Variants in SPEF2 observed in about 807,000 individuals in gnomAD.
SPEF2 encodes sperm flagella and cilia-associated protein 2.
SPEF2 carries 187 observed loss-of-function variants against 224.6 expected under a neutral mutation model. The observed-to-expected ratio is 0.83, with a 90% CI of 0.74 to 0.94. The LOEUF (loss-of-function observed/expected upper bound fraction) is 0.94. Ranked by LOEUF, SPEF2 falls within the 40% of genes least tolerant of loss-of-function variation. The probability of loss-of-function intolerance (pLI) is 0.00; values close to 1 mark genes in which losing one functional copy is unlikely to be tolerated. For synonymous variants in SPEF2, 715 were observed against 707.3 expected, an observed-to-expected ratio of 1.01 and a Z score of -0.17; for missense variants, 2,170 against 2,135.6, an observed-to-expected ratio of 1.02 and a Z score of -0.32.
intron 36 of SPEF2, among the ~76,000 whole-genome samples, chr5:35,808,939 G>A (rs1285491288): frequency 2.0e-5 from 3 of 151,298 alleles, no homozygotes; most frequent in Admixed American, 6.6e-5. Flanking sequence ...AGCCTATGCA[G>A]TAGTGAAATA....
chr5:35,759,809 C>A, intron 25 of SPEF2, 90 bp downstream of exon 25: 2 of 1,243,894 alleles, frequency 1.6e-6, no homozygotes, highest in South Asian at 2.4e-5. Context: ...AATCACACTC[C>A]TTTATCTGCA....
intron 16 of SPEF2, 124 bp from the exon 17 acceptor site, chr5:35,704,430 T>G: frequency 1.7e-6 from 1 of 576,660 alleles, no homozygotes; most frequent in Non-Finnish European, 3.1e-6. Context: ...TTTAAAATAT[T>G]TTTAAGTAAC....
chr5:35,665,888 T>A (rs1750404020), intron 8 of SPEF2, among the ~76,000 whole-genome samples: 1 of 152,116 alleles, frequency 6.6e-6, no homozygotes, highest in African/African-American at 2.4e-5. Context: ...CCAACAAAAA[T>A]GAAATAAGCA....
Position 35,738,276 on chromosome 5 carries a change from G to A in SPEF2, c.3064-1643G>A, listed in dbSNP as rs182979333. Among the ~76,000 whole-genome samples, 207 of 152,150 alleles carry A rather than the reference G, an allele frequency of 1.4e-3. 1 individual carries two copies. The highest frequency in any genetic ancestry group is 4.7e-3 in the African/African-American group (195 of 41,540). On this transcript the variant is annotated intron_variant, in intron 21 of 36. Coordinates refer to ENST00000356031, the MANE Select transcript of SPEF2 (RefSeq NM_024867.4). ...CCATTGCTTTTGGTGTTTTAGACATGAAGTCCTTGCCCATGCCTGTGTCCT... is the reference window on the plus strand; with the variant it reads ...CCATTGCTTTTGGTGTTTTAGACATAAAGTCCTTGCCCATGCCTGTGTCCT...
intron 7 of SPEF2, among the ~76,000 whole-genome samples, chr5:35,658,304 A>G (rs1749231797): frequency 6.6e-6 from 1 of 152,186 alleles, no homozygotes; most frequent in African/African-American, 2.4e-5. Context: ...ACAGCCAAGA[A>G]TACATCTATC....
At chr5:35,625,992 A>T (rs569586482) in intron 1 of SPEF2, among the ~76,000 whole-genome samples, 2 of 152,336 alleles carry the variant, frequency 1.3e-5, no homozygotes, top group South Asian at 4.1e-4. Context: ...TCATTTTAGT[A>T]GCATCGAAAG....
intron 19 of SPEF2, chr5:35,710,112 A>T (rs1424766181): frequency 1.9e-5 from 19 of 985,236 alleles, no homozygotes; most frequent in Admixed American, 6.1e-5. Flanking sequence ...CAGGCAAAAT[A>T]CACACATCCT....
intron 8 of SPEF2, among the ~76,000 whole-genome samples, chr5:35,665,990 T>C (rs1161466526): frequency 6.6e-6 from 1 of 152,138 alleles, no homozygotes; most frequent in Non-Finnish European, 1.5e-5. Flanking sequence ...AGTATCATAA[T>C]AGGAAATATT....
At chr5:35,732,694 T>G (rs1745835199) in intron 21 of SPEF2, among the ~76,000 whole-genome samples, 2 of 152,176 alleles carry the variant, frequency 1.3e-5, no homozygotes, top group Non-Finnish European at 2.9e-5. Flanking sequence ...TGTACTCAGT[T>G]CTGGGAACAT....
intron 29 of SPEF2, 144 bp from the exon 30 acceptor site, chr5:35,778,973 C>T: frequency 1.9e-6 from 1 of 517,670 alleles, no homozygotes; most frequent in Non-Finnish European, 3.3e-6. Flanking sequence ...GATTTGGGGA[C>T]AAATTGAAAT....
Position 35,712,864 on chromosome 5 carries a change from T to C in SPEF2, c.2892T>C (p.Gly964=). 6.2e-7 allele frequency: 1 copy of C among 1,613,714 alleles called. No individual in the cohort carries two copies. The highest frequency in any genetic ancestry group is 8.5e-7 in the Non-Finnish European group (1 of 1,179,900). The change falls in exon 20 of 37, where the codon GGT becomes GGC. Residue 964 remains glycine, a synonymous_variant. Transcript: ENST00000356031. ...TTCAGGAAGGAAAAGGGAAGAAAGG[T>C]GAGACCGCACTCAAAAGAAAAGGTA... ...ESLQEGKGKK[G]ETALKRKGSP... is the part of the protein sequence containing the mutation.
chr5:35,657,322 T>C (rs1468735267), intron 7 of SPEF2, among the ~76,000 whole-genome samples: 1 of 152,188 alleles, frequency 6.6e-6, no homozygotes, highest in Non-Finnish European at 1.5e-5. Context: ...TACTGATTGA[T>C]AAATACGTGG....
In SPEF2 at chr5:35,740,023, G is replaced by C. The variant is rs1225365618; in HGVS notation, c.3168G>C (p.Val1056=). 2 of 1,614,100 alleles carry C rather than the reference G, an allele frequency of 1.2e-6. No individual in the cohort carries two copies. The highest frequency in any genetic ancestry group is 1.7e-6 in the Non-Finnish European group (2 of 1,179,988). Residue 1056 remains valine (V), a synonymous_variant, in exon 22 of 37, where the codon GTG becomes GTC. Transcript: ENST00000356031. ...ATCTGAGGGAAGACCAGCATACTGTGCTTGCTTACTTATATGAGATTAGGT... is the reference window on the plus strand; with the variant it reads ...ATCTGAGGGAAGACCAGCATACTGTCCTTGCTTACTTATATGAGATTAGGT... The part of the protein sequence containing the change: ...LRHLREDQHT[V]LAYLYEIRTS...
At chr5:35,692,235 AC>A (rs1754618864) in intron 11 of SPEF2, among the ~76,000 whole-genome samples, 1 of 150,078 alleles carries the variant, frequency 6.7e-6, no homozygotes, top group Non-Finnish European at 1.5e-5. Flanking sequence ...ACATGGTGAA[AC>A]CCCATCTCTA....
intron 30 of SPEF2, among the ~76,000 whole-genome samples, chr5:35,779,976 C>G (rs895857244): frequency 6.6e-6 from 1 of 152,120 alleles, no homozygotes; most frequent in African/African-American, 2.4e-5. Flanking sequence ...TCAATGAGTT[C>G]TGTCGATTGA....
chr5:35,709,830 GTGTA>G, intron 19 of SPEF2: 1 of 985,304 alleles, frequency 1.0e-6, no homozygotes, highest in Non-Finnish European at 1.2e-6. Context: ...CCATTTGTGT[GTGTA>G]TATAAAACAA....
chr5:35,663,367 C>T (rs769117643), intron 8 of SPEF2, among the ~76,000 whole-genome samples: 1 of 152,130 alleles, frequency 6.6e-6, no homozygotes, highest in Non-Finnish European at 1.5e-5. Flanking sequence ...GTCTCAGAGA[C>T]ACTTCAAATT....
intron 23 of SPEF2, among the ~76,000 whole-genome samples, chr5:35,752,371 C>G (rs1749797134): frequency 6.6e-6 from 1 of 152,096 alleles, no homozygotes; most frequent in Non-Finnish European, 1.5e-5. Flanking sequence ...TCATTGCAGC[C>G]TTGAACCCTT....
In SPEF2 at chr5:35,788,621, C is replaced by A. The variant is rs138189341; in HGVS notation, c.4448-3719C>A. ...CATTGAGAAAACTCTAGAGATAAAT[C>A]TTCAACTTAGACTGTCGAGCCAAGA... On this transcript the variant is annotated intron_variant, in intron 30 of 36. Coordinates refer to ENST00000356031, the MANE Select transcript of SPEF2 (RefSeq NM_024867.4). 4.3e-5 allele frequency: 30 copies of A among 702,918 alleles called. No individual in the cohort carries two copies. In the East Asian group the frequency reaches 8.0e-4, roughly 19 times the overall value. The allele number at this position is 702,918 out of a possible 1,614,324, so 43.5% of individuals were successfully genotyped here. A position where few individuals can be genotyped will look rare whatever the true frequency, so the allele number is the denominator to read the frequency against.
Sources: gnomAD v4.1 joint callset for allele counts (sites outside exome capture counted in the v4.1 genomes callset) on GRCh38, gnomAD v4.1.1 for gene constraint, MANE v1.5 for transcripts, NCBI Gene and HGNC (gene_info 2026-07-23, HGNC 2026-07-21) for gene names.